The following RAI1 variants were observed in gnomAD, a reference collection of about 807,000 sequenced individuals.
The protein encoded by RAI1 is retinoic acid induced 1.
A neutral mutation model predicts 123.8 loss-of-function variants in RAI1; 9 were observed. That is an observed-to-expected ratio of 0.07 (90% CI 0.04 to 0.13). The LOEUF (loss-of-function observed/expected upper bound fraction) is 0.13. Among genes scored for constraint, RAI1 ranks in the 10% least tolerant of loss-of-function variants. The probability of loss-of-function intolerance (pLI) is 1.00; values close to 1 mark genes in which losing one functional copy is unlikely to be tolerated. For missense variants in RAI1, 2,256 were observed against 2,545.8 expected, an observed-to-expected ratio of 0.89 and a Z score of 2.45; for synonymous variants, 1,231 against 1,127.3, an observed-to-expected ratio of 1.09 and a Z score of -1.84.
Position 17,792,960 on chromosome 17 carries a change from T to C in RAI1, c.12T>C (p.Phe4=), listed in dbSNP as rs755209169. 13 of 1,613,260 alleles carry C rather than the reference T, an allele frequency of 8.1e-6. No homozygotes were observed. Among genetic ancestry groups the C allele is most frequent in the Non-Finnish European group, 1.0e-5 (12 of 1,179,580 alleles). ...AACCAGCCCGAGTCATGCAGTCTTTTCGAGAAAGGTGTGGTTTCCATGGCA... is the reference window on the plus strand; with the variant it reads ...AACCAGCCCGAGTCATGCAGTCTTTCCGAGAAAGGTGTGGTTTCCATGGCA... MQS[F]RERCGFHGKQ... is the part of the protein sequence containing the mutation. Residue 4 remains phenylalanine (F), a synonymous_variant, in exon 3 of 6, where the codon TTT becomes TTC. Coordinates refer to ENST00000353383, the MANE Select transcript of RAI1 (RefSeq NM_030665.4).
intron 1 of RAI1, among the ~76,000 whole-genome samples, chr17:17,699,274 T>A (rs1915136877): frequency 6.6e-6 from 1 of 152,164 alleles, no homozygotes. Context: ...CATCCTTGAC[T>A]TTGGAATGCT....
chr17:17,760,799 C>G (rs542665232), intron 2 of RAI1, among the ~76,000 whole-genome samples: 2 of 152,222 alleles, frequency 1.3e-5, no homozygotes, highest in East Asian at 3.9e-4. Flanking sequence ...CCTAGCTGCC[C>G]AGGGCCAGGC....
Position 17,800,228 on chromosome 17 carries a change from C to A in RAI1, c.5565+1715C>A, listed in dbSNP as rs1285590974. ...TCTCTCTCTCTCTCTCTCTCTCTCT[C>A]ATTACTGGCTCCTTCCCAGCGCCTT... On this transcript the variant is annotated intron_variant, in intron 3 of 5. Coordinates refer to ENST00000353383, the MANE Select transcript of RAI1 (RefSeq NM_030665.4). This position sits in a 1 kb window ranked among gnomAD's most constrained non-coding sequence, Gnocchi z 4.7. Among the ~76,000 whole-genome samples the A allele has an allele frequency of 7.3e-6, 1 of 137,194 alleles. No individual in the cohort carries two copies. Among genetic ancestry groups the A allele is most frequent in the African/African-American group, 2.8e-5 (1 of 35,764 alleles). 90.0% of individuals were successfully genotyped at this position (137,194 alleles called of 152,430 possible). A position where few individuals can be genotyped will look rare whatever the true frequency, so the allele number is the denominator to read the frequency against.
chr17:17,740,340 T>A (rs1598046609), intron 2 of RAI1, among the ~76,000 whole-genome samples: 1 of 152,140 alleles, frequency 6.6e-6, no homozygotes, highest in Non-Finnish European at 1.5e-5. Flanking sequence ...CAGGGGCTGG[T>A]GGTGTTCCTC....
chr17:17,754,411 T>G (rs2030348935), intron 2 of RAI1, among the ~76,000 whole-genome samples: 1 of 152,102 alleles, frequency 6.6e-6, no homozygotes, highest in African/African-American at 2.4e-5. Flanking sequence ...TAATTTTGTA[T>G]TTTTAGTAGA....
chr17:17,749,136 T>G (rs935706723), intron 2 of RAI1, among the ~76,000 whole-genome samples: 2 of 152,250 alleles, frequency 1.3e-5, no homozygotes, highest in African/African-American at 4.8e-5. Context: ...GGCCAGCATC[T>G]GCCCGTCAGC....
At position 17,809,527 on chromosome 17, in the gene RAI1, C is replaced by T; in HGVS notation, c.5709+88C>T. The T allele has an allele frequency of 7.0e-7, 1 of 1,419,270 alleles. No individual in the cohort carries two copies. The highest frequency in any genetic ancestry group is 1.7e-5 in the Admixed American group (1 of 59,598). The allele number at this position is 1,419,270 out of a possible 1,614,324, so 87.9% of individuals were successfully genotyped here. On this transcript the variant is annotated intron_variant, in intron 5 of 5. Coordinates refer to ENST00000353383, the MANE Select transcript of RAI1 (RefSeq NM_030665.4). The surrounding 1 kb of genome is among the most constrained non-coding windows in gnomAD (Gnocchi z 4.9). ...ACCTCCTTCACAGTCCCCTGGGCCC[C>T]CTTGGCTGCGCAGCCCCGCAGGGCC... is the stretch of plus-strand genomic sequence containing the variant.
intron 3 of RAI1, among the ~76,000 whole-genome samples, chr17:17,798,906 G>A (rs753416025): frequency 1.3e-5 from 2 of 152,186 alleles, no homozygotes; most frequent in Non-Finnish European, 2.9e-5. Flanking sequence ...TGCCCCGGGC[G>A]GTGCAAGAGC....
At chr17:17,792,901 C>G (rs555062236) in intron 2 of RAI1, 32 bp from the exon 3 acceptor site, 2 of 667,840 alleles carry the variant, frequency 3.0e-6, no homozygotes, top group South Asian at 1.4e-5. Context: ...CCCTCCTTCC[C>G]TCCCTCCCTC....
intron 2 of RAI1, among the ~76,000 whole-genome samples, chr17:17,772,368 G>A (rs2031193364): frequency 6.6e-6 from 1 of 152,122 alleles, no homozygotes; most frequent in South Asian, 2.1e-4. Context: ...CCTGTTCACT[G>A]GCCTCCTGGC....
At position 17,800,222 on chromosome 17, in the gene RAI1, C is replaced by CA. The variant is rs1477550181; in HGVS notation, c.5565+1709_5565+1710insA. On this transcript the variant is annotated intron_variant, in intron 3 of 5. Coordinates refer to ENST00000353383, the MANE Select transcript of RAI1 (RefSeq NM_030665.4). This position sits in a 1 kb window ranked among gnomAD's most constrained non-coding sequence, Gnocchi z 4.7. ...TCTCTCTCTCTCTCTCTCTCTCTCTCTCTCTCATTACTGGCTCCTTCCCAG... is the reference window on the plus strand; with the variant it reads ...TCTCTCTCTCTCTCTCTCTCTCTCTCATCTCTCATTACTGGCTCCTTCCCAG... Among the ~76,000 whole-genome samples, 1 of 149,498 alleles carries CA rather than the reference C, an allele frequency of 6.7e-6. No individual in the cohort carries two copies. Among genetic ancestry groups the CA allele is most frequent in the African/African-American group, 2.5e-5 (1 of 40,160 alleles).
intron 2 of RAI1, among the ~76,000 whole-genome samples, chr17:17,772,961 T>C (rs749685515): frequency 7.4e-5 from 11 of 149,104 alleles, no homozygotes; most frequent in Non-Finnish European, 1.3e-4. Flanking sequence ...GGCTGGTGAG[T>C]GGATGGATGG....
At chr17:17,735,557 A>G (rs1021305908) in intron 2 of RAI1, among the ~76,000 whole-genome samples, 1 of 151,608 alleles carries the variant, frequency 6.6e-6, no homozygotes, top group African/African-American at 2.4e-5. Flanking sequence ...GGGTTTCACC[A>G]TGTTGGTCAG....
intron 2 of RAI1, among the ~76,000 whole-genome samples, chr17:17,768,771 G>C (rs1278890913): frequency 1.3e-5 from 2 of 152,258 alleles, no homozygotes; most frequent in African/African-American, 4.8e-5. Context: ...GAGTGCATGG[G>C]AGGGGGAGGA....
In RAI1 at chr17:17,797,749, G is replaced by A; in HGVS notation, c.4801G>A (p.Val1601Met). The A allele has an allele frequency of 6.2e-7, 1 of 1,614,040 alleles. No homozygotes were observed. The highest frequency in any genetic ancestry group is 1.7e-5 in the Admixed American group (1 of 60,030). The stretch of plus-strand genomic sequence containing the variant: ...CCCCGCCTTCTCACCCTTCGTGCGG[G>A]TGGAGAAGCGAGACGCGTTCACCAC... ...RTPAFSPFVRVEKRDAFTTIC... is the reference protein window; with the variant it reads ...RTPAFSPFVRMEKRDAFTTIC... Residue 1601 changes from valine to methionine, a missense_variant, in exon 3 of 6, where the codon GTG becomes ATG. This residue lies in a region of RAI1 where 410 missense variants were observed against 374.6 expected (regional missense o/e 1.09). Coordinates refer to ENST00000353383, the MANE Select transcript of RAI1 (RefSeq NM_030665.4).
intron 2 of RAI1, among the ~76,000 whole-genome samples, chr17:17,787,110 C>T (rs2031852557): frequency 6.6e-6 from 1 of 152,198 alleles, no homozygotes; most frequent in Non-Finnish European, 1.5e-5. Context: ...ATCATGCAGC[C>T]TCCTACAAGG....
At chr17:17,740,647 C>A (rs529874249) in intron 2 of RAI1, among the ~76,000 whole-genome samples, 51 of 152,340 alleles carry the variant, frequency 3.3e-4, no homozygotes, top group Non-Finnish European at 6.6e-4. Context: ...AACCTGTCTT[C>A]TCAGAGCAAA....
chr17:17,707,363 A>T (rs1390418275), intron 1 of RAI1, among the ~76,000 whole-genome samples: 1 of 152,150 alleles, frequency 6.6e-6, no homozygotes, highest in Non-Finnish European at 1.5e-5. Flanking sequence ...GATGGGGGAG[A>T]TGCGTGCAGT....
chr17:17,753,198 T>A, intron 2 of RAI1, among the ~76,000 whole-genome samples: 1 of 152,182 alleles, frequency 6.6e-6, no homozygotes, highest in East Asian at 1.9e-4. Context: ...GGGCTGGCCC[T>A]GCCTCAGGAG....
Sources: gnomAD v4.1 joint callset for allele counts (sites outside exome capture counted in the v4.1 genomes callset) on GRCh38, gnomAD v4.1.1 for gene constraint, gnomAD v4.1.1 regional missense constraint, Gnocchi (gnomAD v3.1) non-coding constraint, MANE v1.5 for transcripts, NCBI Gene and HGNC (gene_info 2026-07-23, HGNC 2026-07-21) for gene names.